The following CLEC16A variants were observed in gnomAD, a reference collection of about 807,000 sequenced individuals.
CLEC16A encodes C-type lectin domain containing 16A.
A neutral mutation model predicts 109.5 loss-of-function variants in CLEC16A; 51 were observed. That is an observed-to-expected ratio of 0.47 (90% CI 0.37 to 0.59). The LOEUF (loss-of-function observed/expected upper bound fraction) is 0.59, where lower values mean the gene tolerates loss of function less well. CLEC16A is among the 20% of genes least tolerant of loss of function. The pLI, the probability that CLEC16A is intolerant of heterozygous loss-of-function variation, is 0.00. For missense variants in CLEC16A, 1,339 were observed against 1,394.0 expected (o/e 0.96, Z 0.63); for synonymous variants, 673 against 564.2 (o/e 1.19, Z -2.73).
At chr16:11,120,806 C>G (rs201061352) in intron 20 of CLEC16A, 40 bp downstream of exon 20, 2 of 1,398,996 alleles carry the variant, frequency 1.4e-6, no homozygotes, top group South Asian at 1.5e-5. Context: ...TCTCAGTTGG[C>G]TACAAACACA....
chr16:11,117,011 G>A (rs572969088), intron 19 of CLEC16A, among the ~76,000 whole-genome samples: 1 of 152,290 alleles, frequency 6.6e-6, no homozygotes, highest in East Asian at 1.9e-4. Flanking sequence ...CCATAAAAAA[G>A]AACTAAGTCG....
At chr16:11,153,916 C>T (rs1453364245) in intron 22 of CLEC16A, among the ~76,000 whole-genome samples, 1 of 152,144 alleles carries the variant, frequency 6.6e-6, no homozygotes, top group Non-Finnish European at 1.5e-5. Context: ...TTGAGAAGCC[C>T]TTCTGGTTCC....
At chr16:11,142,120 T>G (rs1252869541) in intron 22 of CLEC16A, among the ~76,000 whole-genome samples, 1 of 152,136 alleles carries the variant, frequency 6.6e-6, no homozygotes, top group Non-Finnish European at 1.5e-5. Flanking sequence ...CTCTCCCTAC[T>G]TACCGGGGGA....
intron 10 of CLEC16A, among the ~76,000 whole-genome samples, chr16:10,987,669 A>T (rs1272290426): frequency 2.0e-5 from 3 of 152,186 alleles, no homozygotes; most frequent in African/African-American, 7.2e-5. Context: ...CAGGTTTGGG[A>T]AGAGCACAGG....
intron 21 of CLEC16A, among the ~76,000 whole-genome samples, chr16:11,124,962 G>T (rs1047468102): frequency 3.3e-5 from 5 of 152,264 alleles, no homozygotes; most frequent in Admixed American, 2.6e-4. Context: ...GGTGGCATAC[G>T]CCTGTAGTCC....
In CLEC16A at chr16:11,044,034, A is replaced by C. The variant is rs1399270588; in HGVS notation, c.1777A>C (p.Arg593=). 2 of 1,608,750 alleles carry C rather than the reference A, an allele frequency of 1.2e-6. No homozygotes were observed. The highest frequency in any genetic ancestry group is 1.3e-5 in the African/African-American group (1 of 74,842). The change falls in exon 16 of 24, where the codon AGA becomes CGA. Residue 593 remains arginine, a synonymous_variant. Coordinates refer to ENST00000409790, the MANE Select transcript of CLEC16A (RefSeq NM_015226.3). ...CTTCCTTCTCTTTTAACAGGGTGCG[A>C]GAGAAGAAAGTGTTCACCTTGTACG... The part of the protein sequence containing the change: ...DVHLACLEGA[R]EESVHLVRHF...
chr16:10,948,785 G>A (rs78713374), intron 1 of CLEC16A, among the ~76,000 whole-genome samples: 124 of 152,244 alleles, frequency 8.1e-4, no homozygotes, highest in Non-Finnish European at 1.3e-3. Flanking sequence ...GTCAGAAATC[G>A]GCCTTTTTCC....
chr16:10,993,050 A>G (rs1032396058), intron 10 of CLEC16A, among the ~76,000 whole-genome samples: 4 of 152,088 alleles, frequency 2.6e-5, no homozygotes, highest in Non-Finnish European at 5.9e-5. Flanking sequence ...GCCAGCATTC[A>G]AGAAATATCC....
chr16:11,158,388 T>TA (rs1311880328), intron 22 of CLEC16A, among the ~76,000 whole-genome samples: 7 of 152,232 alleles, frequency 4.6e-5, no homozygotes, highest in African/African-American at 7.2e-5. Flanking sequence ...GCGGGTTTTA[T>TA]ATTATGCTTT....
At chr16:11,082,151 C>T (rs1319630606) in intron 19 of CLEC16A, among the ~76,000 whole-genome samples, 1 of 152,216 alleles carries the variant, frequency 6.6e-6, no homozygotes, top group Non-Finnish European at 1.5e-5. Context: ...TTTGATGGCT[C>T]TTGTTAAAAA....
intron 22 of CLEC16A, 37 bp from the exon 23 acceptor site, chr16:11,166,351 T>G (rs746596897): frequency 6.4e-7 from 1 of 1,566,256 alleles, no homozygotes; most frequent in Non-Finnish European, 8.6e-7. Flanking sequence ...GGCCTACTCT[T>G]TGCTTCCACT....
At chr16:10,992,554 A>G (rs2044088798) in intron 10 of CLEC16A, among the ~76,000 whole-genome samples, 1 of 83,474 alleles carries the variant, frequency 1.2e-5, no homozygotes, top group African/African-American at 2.8e-5. Flanking sequence ...AAAAAGAAAA[A>G]GATAACATTA....
At chr16:11,079,138 A>G (rs2049560501) in intron 19 of CLEC16A, among the ~76,000 whole-genome samples, 1 of 152,146 alleles carries the variant, frequency 6.6e-6, no homozygotes, top group African/African-American at 2.4e-5. Context: ...GGCCTTGTGT[A>G]TAATCACTTG....
intron 19 of CLEC16A, among the ~76,000 whole-genome samples, chr16:11,107,823 T>C (rs75679764): frequency 0.036 from 5,447 of 152,314 alleles, 125 homozygotes; most frequent in Non-Finnish European, 0.053. Flanking sequence ...GTTTTCAGTT[T>C]TCAGTGGATT....
chr16:11,127,070 A>G (rs1421576433), intron 22 of CLEC16A, among the ~76,000 whole-genome samples: 1 of 152,252 alleles, frequency 6.6e-6, no homozygotes, highest in Non-Finnish European at 1.5e-5. Flanking sequence ...AAATCCAGAC[A>G]GGAGATGATC....
At position 11,123,994 on chromosome 16, in the gene CLEC16A, C is replaced by G. The variant is rs1462555217; in HGVS notation, c.2473+48C>G. 4 of 1,534,382 alleles carry G rather than the reference C, an allele frequency of 2.6e-6. No individual in the cohort carries two copies. The African/African-American group carries it at 5.5e-5, about 21-fold the overall frequency. On this transcript the variant is annotated intron_variant, in intron 21 of 23. Transcript: ENST00000409790. ...GGCATCCTCTGAGCACTTGGTGGGT[C>G]AGGGCTGTTTGTAGTTCTCACACTG...
intron 13 of CLEC16A, among the ~76,000 whole-genome samples, chr16:11,025,521 C>T (rs1008012535): frequency 2.6e-5 from 4 of 152,164 alleles, no homozygotes; most frequent in African/African-American, 9.7e-5. Context: ...CTGTTGTTTG[C>T]CCCACCTGGC....
intron 22 of CLEC16A, among the ~76,000 whole-genome samples, chr16:11,143,611 G>T (rs550223008): frequency 6.6e-6 from 1 of 152,338 alleles, no homozygotes; most frequent in South Asian, 2.1e-4. Context: ...CCAGCAGATC[G>T]TGGGAGTGTT....
At chr16:10,956,503 T>G (rs1174942150) in intron 1 of CLEC16A, among the ~76,000 whole-genome samples, 1 of 152,192 alleles carries the variant, frequency 6.6e-6, no homozygotes, top group East Asian at 1.9e-4. Flanking sequence ...TCACTTCCTC[T>G]TGGTGTCTGC....
Sources: allele counts gnomAD v4.1 joint callset (sites outside exome capture counted in the v4.1 genomes callset), GRCh38; gene constraint gnomAD v4.1.1; transcripts MANE v1.5; gene names NCBI Gene and HGNC (gene_info 2026-07-23, HGNC 2026-07-21).